The following NELL1 variants were observed in gnomAD, a reference collection of about 807,000 sequenced individuals.
NELL1 encodes neural EGFL like 1, also known as protein kinase C-binding protein NELL1.
In NELL1, 76 loss-of-function variants were observed where a neutral mutation model predicts 107.4. That is an observed-to-expected ratio of 0.71 (90% confidence interval 0.59 to 0.86). NELL1 has a LOEUF of 0.86. Among genes scored for constraint, NELL1 ranks in the 40% least tolerant of loss-of-function variants. The pLI is 0.00. For synonymous variants in NELL1, 353 were observed against 341.2 expected (o/e 1.03, Z -0.38); for missense variants, 1,024 against 1,005.5 (o/e 1.02, Z -0.25).
At chr11:21,092,969 G>A (rs981232274) in intron 12 of NELL1, among the ~76,000 whole-genome samples, 1 of 152,186 alleles carries the variant, frequency 6.6e-6, no homozygotes, top group Admixed American at 6.5e-5. Context: ...TCAGAGCAGA[G>A]AAGAGTCAGC....
In NELL1 at chr11:21,315,713, G is replaced by A. The variant is rs548145700; in HGVS notation, c.1550-55140G>A. On this transcript the variant is annotated intron_variant, in intron 14 of 19. Coordinates refer to ENST00000357134, the MANE Select transcript of NELL1 (RefSeq NM_006157.5). ...GAACCTTGTGATTGTTTCCCCTGCA[G>A]AGTTAGTCACTTTCAAACTAGGATA... Among the ~76,000 whole-genome samples the A allele has an allele frequency of 2.0e-5, 3 of 152,280 alleles. No homozygotes were observed. In the South Asian group the frequency reaches 6.2e-4, roughly 32 times the overall value.
chr11:20,895,504 C>CGT (rs772119566), intron 5 of NELL1, among the ~76,000 whole-genome samples: 4 of 100,022 alleles, frequency 4.0e-5, no homozygotes, highest in Admixed American at 3.1e-4. Context: ...TGATATTTGC[C>CGT]TTTTTTTTTT....
chr11:21,397,808 A>G (rs76121092), intron 15 of NELL1, among the ~76,000 whole-genome samples: 5,266 of 151,582 alleles, frequency 0.035, 131 homozygotes, highest in Non-Finnish European at 0.049. Flanking sequence ...TGCCTTTCTA[A>G]AAAGACCTTT....
At chr11:21,409,769 G>C (rs1852330525) in intron 15 of NELL1, among the ~76,000 whole-genome samples, 1 of 151,870 alleles carries the variant, frequency 6.6e-6, no homozygotes, top group South Asian at 2.1e-4. Flanking sequence ...TACCTTAGGT[G>C]AGCAGACACT....
chr11:21,450,810 AT>A (rs916549547), intron 15 of NELL1, among the ~76,000 whole-genome samples: 17 of 151,946 alleles, frequency 1.1e-4, no homozygotes, highest in Admixed American at 2.0e-4. Flanking sequence ...TTAATATAAT[AT>A]TTTTTTCTGT....
chr11:21,119,996 A>G (rs1855328458), intron 13 of NELL1, among the ~76,000 whole-genome samples: 1 of 152,130 alleles, frequency 6.6e-6, no homozygotes, highest in Admixed American at 6.6e-5. Flanking sequence ...TTTTTATGCC[A>G]AAAGCTTCCC....
At chr11:21,082,471 T>C (rs1054688151) in intron 12 of NELL1, among the ~76,000 whole-genome samples, 2 of 152,172 alleles carry the variant, frequency 1.3e-5, no homozygotes, top group African/African-American at 4.8e-5. Context: ...AATTTTCCCA[T>C]GACGATCTGC....
At chr11:21,394,784 C>T (rs1330251692) in intron 15 of NELL1, among the ~76,000 whole-genome samples, 2 of 151,454 alleles carry the variant, frequency 1.3e-5, no homozygotes, top group Non-Finnish European at 3.0e-5. Context: ...TAAATATTAA[C>T]ATCTTCAAGA....
chr11:21,455,303 T>C (rs1437962282), intron 15 of NELL1, among the ~76,000 whole-genome samples: 1 of 137,824 alleles, frequency 7.3e-6, no homozygotes, highest in African/African-American at 2.7e-5. Context: ...GCTATTTCCT[T>C]TTTTTTTTCT....
At position 20,996,500 on chromosome 11, in the gene NELL1, C is replaced by T. The variant is rs574643845; in HGVS notation, c.1300+35940C>T. Among the ~76,000 whole-genome samples the T allele has an allele frequency of 2.0e-5, 3 of 152,284 alleles. No individual in the cohort carries two copies. The South Asian group carries it at 6.2e-4, about 32-fold the overall frequency. On this transcript the variant is annotated intron_variant, in intron 12 of 19. Coordinates refer to ENST00000357134, the MANE Select transcript of NELL1 (RefSeq NM_006157.5). ...AGGACCTAATTTCAGCTTCCATTTG[C>T]TCACCTGCCTGGGCGGTCCACCTTG...
chr11:21,324,846 G>C (rs2133674073), intron 14 of NELL1, among the ~76,000 whole-genome samples: 1 of 152,158 alleles, frequency 6.6e-6, no homozygotes, highest in Admixed American at 6.6e-5. Flanking sequence ...GTAAGGTCTT[G>C]AAAACACTGA....
At position 20,669,693 on chromosome 11, in the gene NELL1, G is replaced by A. The variant is rs1853844942; in HGVS notation, c.-31G>A. 1.2e-6 allele frequency: 2 copies of A among 1,601,294 alleles called. No individual in the cohort carries two copies. The highest frequency in any genetic ancestry group is 1.7e-6 in the Non-Finnish European group (2 of 1,168,836). Reference sequence around the variant, plus strand: ...TCATTTGCTTCCACCTAGCTTCGGTGCCCCCTGCTAGGCGGGGACCCTCGA... The same window carrying A: ...TCATTTGCTTCCACCTAGCTTCGGTACCCCCTGCTAGGCGGGGACCCTCGA... On this transcript the variant is annotated 5_prime_UTR_variant, in exon 1 of 20. Transcript: ENST00000357134. The surrounding 1 kb of genome is among the most constrained non-coding windows in gnomAD (Gnocchi z 4.4).
At chr11:20,929,932 A>C (rs2134175243) in intron 9 of NELL1, among the ~76,000 whole-genome samples, 1 of 151,312 alleles carries the variant, frequency 6.6e-6, no homozygotes, top group Admixed American at 6.6e-5. Context: ...AGATCGCGCC[A>C]CTGCACTCCA....
intron 16 of NELL1, among the ~76,000 whole-genome samples, chr11:21,541,824 G>A (rs1377870395): frequency 3.3e-5 from 5 of 152,064 alleles, no homozygotes; most frequent in Non-Finnish European, 7.4e-5. Context: ...TTCCTGACAA[G>A]TATTATATGA....
chr11:20,891,462 C>T (rs759835014), intron 5 of NELL1, among the ~76,000 whole-genome samples: 5 of 152,072 alleles, frequency 3.3e-5, no homozygotes, highest in Non-Finnish European at 5.9e-5. Context: ...AACTAGTGTG[C>T]AAAATAACCA....
At chr11:21,489,610 G>T (rs76624880) in intron 15 of NELL1, among the ~76,000 whole-genome samples, 1 of 151,856 alleles carries the variant, frequency 6.6e-6, no homozygotes, top group Non-Finnish European at 1.5e-5. Flanking sequence ...GACCAAGTGG[G>T]ATTTACACCA....
intron 13 of NELL1, among the ~76,000 whole-genome samples, chr11:21,225,202 G>A (rs1197126674): frequency 1.3e-5 from 2 of 152,158 alleles, no homozygotes; most frequent in Non-Finnish European, 2.9e-5. Context: ...ATACATTCTG[G>A]TGGCAGCTCT....
chr11:21,357,410 T>A (rs1850959360), intron 14 of NELL1, among the ~76,000 whole-genome samples: 1 of 152,196 alleles, frequency 6.6e-6, no homozygotes, highest in Non-Finnish European at 1.5e-5. Flanking sequence ...ATTAGTGATG[T>A]TGAGAATTTT....
chr11:21,522,829 C>CTTTTTTT (rs1353302545), intron 15 of NELL1, among the ~76,000 whole-genome samples: 1 of 109,188 alleles, frequency 9.2e-6, no homozygotes, highest in African/African-American at 3.1e-5. Flanking sequence ...CTATTTTTTT[C>CTTTTTTT]TTTTCTTTTT....
Sources: allele counts gnomAD v4.1 joint callset (sites outside exome capture counted in the v4.1 genomes callset), GRCh38; gene constraint gnomAD v4.1.1; non-coding constraint Gnocchi (gnomAD v3.1); transcripts MANE v1.5; gene names NCBI Gene and HGNC (gene_info 2026-07-23, HGNC 2026-07-21).